The following DCHS2 variants were observed in gnomAD, a reference collection of about 807,000 sequenced individuals.
DCHS2 encodes dachsous cadherin-related 2.
Under a neutral mutation model 182.4 loss-of-function variants are expected in DCHS2, and 142 were observed. That is an observed-to-expected ratio of 0.78 (90% CI 0.68 to 0.89). The LOEUF is 0.89. Among genes scored for constraint, DCHS2 ranks in the 40% least tolerant of loss-of-function variants. The pLI is 0.00. For missense variants in DCHS2, 4,319 were observed against 4,198.6 expected (o/e 1.03, Z -0.79); for synonymous variants, 1,740 against 1,663.3 (o/e 1.05, Z -1.12).
chr4:154,317,417 G>T (rs1188855534), intron 9 of DCHS2, among the ~76,000 whole-genome samples: 1 of 152,198 alleles, frequency 6.6e-6, no homozygotes, highest in Non-Finnish European at 1.5e-5. Flanking sequence ...GGGCATTTAG[G>T]TGGTGTCCAT....
At chr4:154,247,841 T>G (rs56657149) in intron 16 of DCHS2, among the ~76,000 whole-genome samples, 1,806 of 152,176 alleles carry the variant, frequency 0.012, 32 homozygotes, top group African/African-American at 0.041. Context: ...GCTCAGATAA[T>G]TTACTTCTGT....
At chr4:154,463,836 A>C (rs1195353243) in intron 1 of DCHS2, among the ~76,000 whole-genome samples, 2 of 152,078 alleles carry the variant, frequency 1.3e-5, no homozygotes, top group Non-Finnish European at 2.9e-5. Flanking sequence ...CTTCATATAG[A>C]TTCCATGTGA....
At chr4:154,249,450 G>T (rs1732243275) in intron 16 of DCHS2, among the ~76,000 whole-genome samples, 1 of 152,048 alleles carries the variant, frequency 6.6e-6, no homozygotes, top group African/African-American at 2.4e-5. Context: ...GTGAAGAAAA[G>T]GGAACATTAA....
At chr4:154,423,515 A>G (rs1288701856) in intron 1 of DCHS2, among the ~76,000 whole-genome samples, 1 of 152,244 alleles carries the variant, frequency 6.6e-6, no homozygotes, top group Non-Finnish European at 1.5e-5. Context: ...GAGGTGATCA[A>G]AAATGATTTG....
chr4:154,433,794 C>G (rs1733664613), intron 1 of DCHS2, among the ~76,000 whole-genome samples: 1 of 152,206 alleles, frequency 6.6e-6, no homozygotes, highest in Non-Finnish European at 1.5e-5. Context: ...GGCCTCGCTG[C>G]TCTCACTGGC....
At chr4:154,281,471 T>C (rs907389864) in intron 13 of DCHS2, among the ~76,000 whole-genome samples, 7 of 152,180 alleles carry the variant, frequency 4.6e-5, no homozygotes, top group South Asian at 4.1e-4. Flanking sequence ...ATAAACTTAA[T>C]CAATGAGGTA....
chr4:154,245,229 T>C (rs1732018040), intron 16 of DCHS2, among the ~76,000 whole-genome samples: 1 of 152,184 alleles, frequency 6.6e-6, no homozygotes, highest in Admixed American at 6.5e-5. Flanking sequence ...TCTTTCGCAG[T>C]TGTGAAACTG....
At chr4:154,439,670 T>G (rs1189364270) in intron 1 of DCHS2, among the ~76,000 whole-genome samples, 1 of 152,212 alleles carries the variant, frequency 6.6e-6, no homozygotes, top group East Asian at 1.9e-4. Flanking sequence ...TTTAACTTTG[T>G]GCTGTCCCTT....
intron 1 of DCHS2, among the ~76,000 whole-genome samples, chr4:154,413,066 C>G (rs1265451401): frequency 6.6e-6 from 1 of 152,126 alleles, no homozygotes. Context: ...TAGAAGAGAG[C>G]AGGCTTATTT....
intron 3 of DCHS2, among the ~76,000 whole-genome samples, chr4:154,354,997 A>C (rs1729793706): frequency 6.6e-6 from 1 of 152,194 alleles, no homozygotes; most frequent in Non-Finnish European, 1.5e-5. Context: ...AACCAATTAA[A>C]ATTCCTAGTT....
rs539876847 is a variant in DCHS2 at position 154,320,092 on chromosome 4, A to T, written c.5020+287T>A. Among the ~76,000 whole-genome samples, 73 of 152,342 alleles carry T rather than the reference A, an allele frequency of 4.8e-4. 1 individual carries two copies. Among genetic ancestry groups the T allele is most frequent in the Non-Finnish European group, 2.5e-4 (17 of 68,036 alleles). On this transcript the variant is annotated intron_variant, in intron 9 of 19. Coordinates refer to ENST00000357232, the MANE Select transcript of DCHS2 (RefSeq NM_001358235.2). ...TAGGTAAAATAAGCCAGTCACAAAAAGACAAAACTCCATTATTCCATTTAC... is the reference window on the plus strand; with the variant it reads ...TAGGTAAAATAAGCCAGTCACAAAATGACAAAACTCCATTATTCCATTTAC...
At chr4:154,408,718 C>G (rs7677219) in intron 1 of DCHS2, among the ~76,000 whole-genome samples, 143,850 of 152,284 alleles carry the variant, frequency 0.94, 68,474 homozygotes, top group East Asian at 1. Context: ...CAGTAACCTA[C>G]GACAGACACA....
At chr4:154,284,803 C>A (rs1327617214) in intron 13 of DCHS2, among the ~76,000 whole-genome samples, 2 of 152,118 alleles carry the variant, frequency 1.3e-5, no homozygotes, top group East Asian at 3.9e-4. Flanking sequence ...TTTGTCTAGG[C>A]CACAAGGACC....
intron 2 of DCHS2, among the ~76,000 whole-genome samples, chr4:154,366,730 T>C (rs943678509): frequency 1.3e-5 from 2 of 152,152 alleles, no homozygotes; most frequent in African/African-American, 4.8e-5. Flanking sequence ...GGTAACAGCA[T>C]GGTATGTACA....
intron 16 of DCHS2, 144 bp downstream of exon 16, chr4:154,255,375 T>G: frequency 3.4e-6 from 4 of 1,184,448 alleles, no homozygotes; most frequent in South Asian, 2.5e-5. Context: ...AAAGAGTAGA[T>G]CAAAGAGAAT....
chr4:154,335,143 T>A (rs758732574), intron 3 of DCHS2, 39 bp from the exon 4 acceptor site: 1 of 1,300,306 alleles, frequency 7.7e-7, no homozygotes, highest in African/African-American at 1.5e-5. Context: ...ACAGATAACA[T>A]GTAATAAATA....
chr4:154,486,313 A>T, intron 1 of DCHS2: 2 of 1,079,820 alleles, frequency 1.9e-6, no homozygotes, highest in Non-Finnish European at 2.5e-6. Context: ...GGCCAGCACC[A>T]TAGTGCCAGC....
rs140647788 is a variant in DCHS2, at chr4:154,235,636, G to A, written c.9016C>T (p.Leu3006=). 2.5e-6 allele frequency: 4 copies of A among 1,613,732 alleles called. No homozygotes were observed. The African/African-American group carries it at 5.3e-5, about 22-fold the overall frequency. The stretch of plus-strand genomic sequence containing the variant: ...ACAATTAGAATGCAGATGAGTATCA[G>A]AAACACTAAAAAGGAGACCACCAGG... ...ISLVVSFLVF[L]ILICILIVMI... Residue 3006 remains leucine, a synonymous_variant, in exon 20 of 20, where the codon CTG becomes TTG. Coordinates refer to ENST00000357232, the MANE Select transcript of DCHS2 (RefSeq NM_001358235.2).
chr4:154,320,159 G>A (rs1340728907), intron 9 of DCHS2, among the ~76,000 whole-genome samples: 1 of 152,144 alleles, frequency 6.6e-6, no homozygotes, highest in African/African-American at 2.4e-5. Flanking sequence ...ATCAAAGAGT[G>A]CAGTGGTGAT....
Sources: gnomAD v4.1 joint callset for allele counts (sites outside exome capture counted in the v4.1 genomes callset) on GRCh38, gnomAD v4.1.1 for gene constraint, MANE v1.5 for transcripts, NCBI Gene and HGNC (gene_info 2026-07-23, HGNC 2026-07-21) for gene names.